PIGF: variants seen among roughly 807,000 people sequenced by gnomAD.
The protein encoded by PIGF is GPI ethanolamine phosphate transferase, stabilizing subunit.
PIGF carries 23 observed loss-of-function variants against 26.0 expected under a neutral mutation model. The ratio of observed to expected loss-of-function variants is 0.88; its 90% confidence interval spans 0.64 to 1.25. The LOEUF (loss-of-function observed/expected upper bound fraction) is 1.25. Ranked by LOEUF, PIGF falls within the 50% of genes most tolerant of loss-of-function variation. PIGF has a pLI of 0.00. For missense variants in PIGF, 278 were observed against 249.9 expected (o/e 1.11, Z -0.76); for synonymous variants, 93 against 92.6 (o/e 1.00, Z -0.03).
rs564305787 is a variant in PIGF at position 46,585,592 on chromosome 2, G to T, written c.547-4001C>A. Among the ~76,000 whole-genome samples, 6 of 152,250 alleles carry T rather than the reference G, an allele frequency of 3.9e-5. No individual in the cohort carries two copies. In the East Asian group the frequency reaches 1.2e-3, roughly 29 times the overall value. ...TGTCATGAAAGCTATAAAGTACCAC[G>T]TACCAGTATTCTGTATATTACATGT... On this transcript the variant is annotated intron_variant, in intron 5 of 5. Transcript: ENST00000281382.
chr2:46,585,796 C>T (rs775459627), intron 5 of PIGF, among the ~76,000 whole-genome samples: 1 of 150,954 alleles, frequency 6.6e-6, no homozygotes, highest in Non-Finnish European at 1.5e-5. Context: ...TTTTTTGAGA[C>T]GGACTCTCGC....
chr2:46,603,262 T>C (rs1357232649), intron 4 of PIGF, among the ~76,000 whole-genome samples: 1 of 152,018 alleles, frequency 6.6e-6, no homozygotes, highest in African/African-American at 2.4e-5. Context: ...GAAGAATCAA[T>C]ATTGTTAAAA....
At chr2:46,590,293 G>A (rs1257140721) in intron 5 of PIGF, among the ~76,000 whole-genome samples, 1 of 152,082 alleles carries the variant, frequency 6.6e-6, no homozygotes, top group East Asian at 1.9e-4. Flanking sequence ...AACAAGCACT[G>A]AGGGAGAAAA....
chr2:46,596,990 C>T (rs1321239468), intron 4 of PIGF, among the ~76,000 whole-genome samples: 1 of 152,202 alleles, frequency 6.6e-6, no homozygotes, highest in African/African-American at 2.4e-5. Flanking sequence ...GCTCTGTTTG[C>T]TTACGTACCT....
At chr2:46,597,770 C>T (rs1010718611) in intron 4 of PIGF, among the ~76,000 whole-genome samples, 1 of 152,212 alleles carries the variant, frequency 6.6e-6, no homozygotes, top group Non-Finnish European at 1.5e-5. Flanking sequence ...TTGAGAAGTT[C>T]AGTGCCATTC....
intron 5 of PIGF, chr2:46,582,004 C>G (rs1330327152): frequency 6.4e-6 from 1 of 157,362 alleles, no homozygotes; most frequent in Admixed American, 6.3e-5. Flanking sequence ...CCACAAGAAA[C>G]TTTCTTTAAG....
intron 4 of PIGF, among the ~76,000 whole-genome samples, chr2:46,593,771 C>T (rs6544903): frequency 0.051 from 7,766 of 152,274 alleles, 285 homozygotes; most frequent in African/African-American, 0.11. Flanking sequence ...GAAAAGTAGC[C>T]TCTTCTAGAT....
chr2:46,597,418 T>C (rs1669921218), intron 4 of PIGF, among the ~76,000 whole-genome samples: 1 of 150,226 alleles, frequency 6.7e-6, no homozygotes, highest in Non-Finnish European at 1.5e-5. Flanking sequence ...GGTTTTTTGT[T>C]GTTTTTTTTT....
chr2:46,607,980 G>C (rs968490523), intron 4 of PIGF, among the ~76,000 whole-genome samples: 1 of 152,116 alleles, frequency 6.6e-6, no homozygotes, highest in African/African-American at 2.4e-5. Flanking sequence ...TTACAGGCAC[G>C]ACCCACTGCG....
rs1218106702 is a variant in PIGF at position 46,589,573 on chromosome 2, AAAT to A, written c.546+2899_546+2901del. 6.6e-6 allele frequency among the ~76,000 whole-genome samples: 1 copy of A among 152,016 alleles called. No homozygotes were observed. The highest frequency in any genetic ancestry group is 1.5e-5 in the Non-Finnish European group (1 of 67,930). ...ATTCCTGTTTCTCTGACTGGAATAT[AAAT>A]AAAACCAGAACACAATCCAGAAAAG... On this transcript the variant is annotated intron_variant, in intron 5 of 5. Transcript: ENST00000281382. The surrounding 1 kb of genome is among the most constrained non-coding windows in gnomAD (Gnocchi z 4.7).
chr2:46,597,691 C>T (rs1456657876), intron 4 of PIGF, among the ~76,000 whole-genome samples: 1 of 152,280 alleles, frequency 6.6e-6, no homozygotes, highest in East Asian at 1.9e-4. Context: ...GGATTATAGG[C>T]GTGAGCCACA....
intron 1 of PIGF, 194 bp from the exon 2 acceptor site, chr2:46,615,379 T>G: frequency 2.3e-6 from 1 of 430,086 alleles, no homozygotes; most frequent in South Asian, 2.7e-5. Flanking sequence ...TTTCTTAATA[T>G]GGTACAAACA....
rs1042905596 is a variant in PIGF, at chr2:46,601,646, A to C, written c.438-9063T>G. On this transcript the variant is annotated intron_variant, in intron 4 of 5. Coordinates refer to ENST00000281382, the MANE Select transcript of PIGF (RefSeq NM_002643.4). Reference sequence around the variant, plus strand: ...TAAAACAAATGCCTCTTTGCCACTAAATTTTTTGCCCACATTTATACTAAA... The same window carrying C: ...TAAAACAAATGCCTCTTTGCCACTACATTTTTTGCCCACATTTATACTAAA... Among the ~76,000 whole-genome samples the C allele has an allele frequency of 3.3e-5, 5 of 151,986 alleles. No homozygotes were observed. The East Asian group carries it at 9.6e-4, about 29-fold the overall frequency.
intron 4 of PIGF, among the ~76,000 whole-genome samples, chr2:46,608,447 G>A (rs1670293007): frequency 6.6e-6 from 1 of 152,274 alleles, no homozygotes; most frequent in East Asian, 1.9e-4. Flanking sequence ...AATGGAATCA[G>A]CTTCTCGTCA....
chr2:46,588,137 C>T lies in PIGF; in HGVS notation c.546+4338G>A, dbSNP rs375421420. 15 of 1,612,824 alleles carry T rather than the reference C, an allele frequency of 9.3e-6. No individual in the cohort carries two copies. The African/African-American group carries it at 2.0e-4, about 22-fold the overall frequency. ...ACAGTACCAAGCCCCCTGCAGGGTA[C>T]ATGGAGAGATCTATAAGTGCTACGT... is the stretch of plus-strand genomic sequence containing the variant. On this transcript the variant is annotated intron_variant, in intron 5 of 5. Transcript: ENST00000281382. The surrounding 1 kb of genome is among the most constrained non-coding windows in gnomAD (Gnocchi z 4.1).
At chr2:46,613,510 T>C (rs1670493027) in intron 3 of PIGF, among the ~76,000 whole-genome samples, 184 bp downstream of exon 3, 1 of 152,194 alleles carries the variant, frequency 6.6e-6, no homozygotes, top group Non-Finnish European at 1.5e-5. Context: ...ACAAGAGTAT[T>C]TAATAAATTA....
intron 4 of PIGF, among the ~76,000 whole-genome samples, chr2:46,604,479 A>G (rs545795183): frequency 6.6e-6 from 1 of 151,352 alleles, no homozygotes; most frequent in African/African-American, 2.4e-5. Flanking sequence ...AGACTAATGG[A>G]TTAAAAAAAA....
chr2:46,581,698 A>G, intron 5 of PIGF, 107 bp from the exon 6 acceptor site: 1 of 1,449,512 alleles, frequency 6.9e-7, no homozygotes, highest in Non-Finnish European at 9.2e-7. Context: ...GCTTTCTTAA[A>G]GAATGCCAAA....
chr2:46,597,990 A>G (rs1669941046), intron 4 of PIGF, among the ~76,000 whole-genome samples: 1 of 152,168 alleles, frequency 6.6e-6, no homozygotes, highest in Non-Finnish European at 1.5e-5. Context: ...ACCTTGTTTG[A>G]TCAGATCACT....
Sources: gnomAD v4.1 joint callset for allele counts (sites outside exome capture counted in the v4.1 genomes callset) on GRCh38, gnomAD v4.1.1 for gene constraint, Gnocchi (gnomAD v3.1) non-coding constraint, MANE v1.5 for transcripts, NCBI Gene and HGNC (gene_info 2026-07-23, HGNC 2026-07-21) for gene names.